Variants in MDGA2 observed in about 807,000 individuals in gnomAD.
MDGA2 encodes MAM domain containing glycosylphosphatidylinositol anchor 2, also known as MAM domain-containing glycosylphosphatidylinositol anchor protein 2.
MDGA2 carries 40 observed loss-of-function variants against 117.8 expected under a neutral mutation model. The observed-to-expected ratio is 0.34, with a 90% CI of 0.26 to 0.44. The LOEUF (loss-of-function observed/expected upper bound fraction) is 0.44. Ranked by LOEUF, MDGA2 falls within the 20% of genes least tolerant of loss-of-function variation. The pLI is 1.00. For synonymous variants in MDGA2, 452 were observed against 439.0 expected (o/e 1.03, Z -0.37); for missense variants, 1,123 against 1,250.6 (o/e 0.90, Z 1.54).
At chr14:47,267,941 T>A (rs576168027) in intron 2 of MDGA2, among the ~76,000 whole-genome samples, 2 of 152,316 alleles carry the variant, frequency 1.3e-5, no homozygotes, top group East Asian at 3.9e-4. Flanking sequence ...TTATTGGTAG[T>A]ACTGAGCAAC....
chr14:46,877,626 T>A (rs1040191142), intron 11 of MDGA2, 117 bp from the exon 12 acceptor site: 3 of 628,190 alleles, frequency 4.8e-6, no homozygotes, highest in African/African-American at 3.7e-5. Context: ...AACTTAATGA[T>A]CTTTCCCACT....
At chr14:47,548,565 T>C (rs563046897) in intron 1 of MDGA2, among the ~76,000 whole-genome samples, 3 of 152,202 alleles carry the variant, frequency 2.0e-5, no homozygotes, top group Admixed American at 6.5e-5. Flanking sequence ...CTTAAATGCA[T>C]TGAACCAGTA....
chr14:46,850,788 T>C (rs1445178434), intron 15 of MDGA2, among the ~76,000 whole-genome samples: 1 of 151,836 alleles, frequency 6.6e-6, no homozygotes, highest in Non-Finnish European at 1.5e-5. Context: ...GGGACAAATG[T>C]CAATTAGTTG....
At chr14:47,053,434 C>A (rs1889526858) in intron 7 of MDGA2, among the ~76,000 whole-genome samples, 1 of 151,530 alleles carries the variant, frequency 6.6e-6, no homozygotes, top group South Asian at 2.1e-4. Context: ...TTCTCTCAAA[C>A]CTTCTCACAA....
intron 1 of MDGA2, among the ~76,000 whole-genome samples, chr14:47,496,901 T>G (rs1244144699): frequency 1.3e-5 from 2 of 151,912 alleles, no homozygotes; most frequent in Admixed American, 6.6e-5. Flanking sequence ...GGGGATGGTT[T>G]GGGGATGAAA....
intron 1 of MDGA2, among the ~76,000 whole-genome samples, chr14:47,369,952 A>AT (rs1891310078): frequency 6.6e-6 from 1 of 151,910 alleles, no homozygotes; most frequent in Non-Finnish European, 1.5e-5. Context: ...TCTTTGTGAC[A>AT]TTTTCTATTA....
chr14:47,241,986 G>GA (rs1297324815), intron 2 of MDGA2, among the ~76,000 whole-genome samples: 2 of 151,648 alleles, frequency 1.3e-5, no homozygotes, highest in African/African-American at 2.4e-5. Flanking sequence ...CCATTGTGAA[G>GA]AAAAAATGAG....
chr14:47,162,641 G>C (rs893221467), intron 3 of MDGA2, among the ~76,000 whole-genome samples: 4 of 151,956 alleles, frequency 2.6e-5, no homozygotes, highest in Non-Finnish European at 5.9e-5. Flanking sequence ...ACAAGTTCAG[G>C]CCTTTTCAAC....
At chr14:47,155,592 C>T (rs944608604) in intron 3 of MDGA2, among the ~76,000 whole-genome samples, 1 of 152,196 alleles carries the variant, frequency 6.6e-6, no homozygotes, top group South Asian at 2.1e-4. Flanking sequence ...TTGCCCACCC[C>T]GCTACAGCTG....
chr14:47,073,890 C>T (rs541670597), intron 6 of MDGA2, among the ~76,000 whole-genome samples: 71 of 152,240 alleles, frequency 4.7e-4, no homozygotes, highest in Non-Finnish European at 8.7e-4. Flanking sequence ...TTCAAACATT[C>T]GCTTTCATTT....
At chr14:47,555,391 T>C (rs924232547) in intron 1 of MDGA2, among the ~76,000 whole-genome samples, 2 of 152,106 alleles carry the variant, frequency 1.3e-5, no homozygotes, top group African/African-American at 4.8e-5. Context: ...GGACATAGAA[T>C]GGAACTAAGA....
At chr14:46,873,849 A>G (rs1417798799) in intron 13 of MDGA2, 196 bp downstream of exon 13, 1 of 577,952 alleles carries the variant, frequency 1.7e-6, no homozygotes, top group African/African-American at 2.0e-5. Context: ...TATTCTCTCT[A>G]CTATATGTAT....
rs1006482919 is a variant in MDGA2 at position 47,252,687 on chromosome 14, G to A, written c.421-34492C>T. 9.9e-5 allele frequency among the ~76,000 whole-genome samples: 15 copies of A among 152,154 alleles called. 1 individual carries two copies. On this transcript the variant is annotated intron_variant, in intron 2 of 16. Coordinates refer to ENST00000399232, the MANE Select transcript of MDGA2 (RefSeq NM_001113498.3). ...CCTGAATTCAAAGCTTGACAGATATGAAAATGCTAAACAGATCTGTATGTT... is the reference window on the plus strand; with the variant it reads ...CCTGAATTCAAAGCTTGACAGATATAAAAATGCTAAACAGATCTGTATGTT...
chr14:47,260,402 CA>C (rs1566707789), intron 2 of MDGA2, among the ~76,000 whole-genome samples: 2 of 151,962 alleles, frequency 1.3e-5, no homozygotes, highest in African/African-American at 2.4e-5. Flanking sequence ...AAGCTTTAAG[CA>C]GGAGGTGGAA....
chr14:46,926,838 GAA>G (rs1484080405), intron 9 of MDGA2, among the ~76,000 whole-genome samples: 2 of 151,950 alleles, frequency 1.3e-5, no homozygotes, highest in Non-Finnish European at 1.5e-5. Context: ...CCTTAGGCAG[GAA>G]ACTAGTAAAA....
intron 8 of MDGA2, among the ~76,000 whole-genome samples, chr14:46,988,015 G>C (rs1324339413): frequency 6.6e-6 from 1 of 151,744 alleles, no homozygotes; most frequent in Non-Finnish European, 1.5e-5. Context: ...GTATGTTATG[G>C]TGAAAGGAAA....
At chr14:47,050,133 C>T (rs757468828) in intron 7 of MDGA2, among the ~76,000 whole-genome samples, 12 of 152,044 alleles carry the variant, frequency 7.9e-5, no homozygotes, top group South Asian at 2.1e-4. Flanking sequence ...CACTGAAAGA[C>T]TGTGTGTTCT....
At position 46,937,133 on chromosome 14, in the gene MDGA2, T is replaced by C. The variant is rs574976782; in HGVS notation, c.2090-16973A>G. On this transcript the variant is annotated intron_variant, in intron 9 of 16. Transcript: ENST00000399232. The stretch of plus-strand genomic sequence containing the variant: ...ATCAGCTTACACAAATCAGTAGCAT[T>C]TACATATGCCTGGAGTGAACAGTCT... Among the ~76,000 whole-genome samples, 257 of 151,944 alleles carry C rather than the reference T, an allele frequency of 1.7e-3. 1 individual carries two copies. The highest frequency in any genetic ancestry group is 5.8e-3 in the African/African-American group (241 of 41,456).
At chr14:47,175,664 C>T (rs1324871624) in intron 3 of MDGA2, among the ~76,000 whole-genome samples, 7 of 151,472 alleles carry the variant, frequency 4.6e-5, no homozygotes, top group Non-Finnish European at 7.4e-5. Flanking sequence ...ATAATAAGAG[C>T]TATCTATGAC....
Sources: allele counts gnomAD v4.1 joint callset (sites outside exome capture counted in the v4.1 genomes callset), GRCh38; gene constraint gnomAD v4.1.1; transcripts MANE v1.5; gene names NCBI Gene and HGNC (gene_info 2026-07-23, HGNC 2026-07-21).